The following LYRM9 variants were observed in gnomAD, a reference collection of about 807,000 sequenced individuals.
LYRM9 encodes the protein LYR motif containing 9.
A neutral mutation model predicts 12.6 loss-of-function variants in LYRM9; 14 were observed. The observed-to-expected ratio is 1.11, with a 90% CI of 0.73 to 1.73. The LOEUF is 1.73. Ranked by LOEUF, LYRM9 falls within the 40% of genes most tolerant of loss-of-function variation. The probability of loss-of-function intolerance (pLI) is 0.00; values close to 1 mark genes in which losing one functional copy is unlikely to be tolerated. For missense variants in LYRM9, 94 were observed against 95.0 expected (o/e 0.99, Z 0.04); for synonymous variants, 42 against 35.1 (o/e 1.20, Z -0.69).
chr17:27,882,724 G>A lies in LYRM9; in HGVS notation c.-18-12C>T. 1.3e-6 allele frequency: 2 copies of A among 1,574,676 alleles called. No homozygotes were observed. ...GAGACCCTCTGTCCCTGGAAAACAAGCAGGATCACTTCCAGGGCATCAAGC... is the reference window on the plus strand; with the variant it reads ...GAGACCCTCTGTCCCTGGAAAACAAACAGGATCACTTCCAGGGCATCAAGC... On this transcript the variant is annotated splice_polypyrimidine_tract_variant and intron_variant, in intron 1 of 3. Transcript: ENST00000379102.
At chr17:27,889,906 AG>A (rs1905372216) in intron 1 of LYRM9, among the ~76,000 whole-genome samples, 1 of 152,158 alleles carries the variant, frequency 6.6e-6, no homozygotes, top group Non-Finnish European at 1.5e-5. Context: ...TCTCTGACCC[AG>A]AGCCTTCTGC....
intron 2 of LYRM9, chr17:27,880,608 G>T (rs1905018694): frequency 3.6e-6 from 2 of 551,770 alleles, no homozygotes. Flanking sequence ...TGCCACCAAG[G>T]TAGGTGCAAA....
intron 1 of LYRM9, chr17:27,892,279 A>C: frequency 2.6e-6 from 1 of 385,604 alleles, no homozygotes; most frequent in Non-Finnish European, 5.0e-6. Flanking sequence ...TTCCTTGCTG[A>C]CTGTAAGCTT....
At chr17:27,885,965 T>C (rs1905219261) in intron 1 of LYRM9, among the ~76,000 whole-genome samples, 1 of 151,944 alleles carries the variant, frequency 6.6e-6, no homozygotes, top group African/African-American at 2.4e-5. Flanking sequence ...CCTCCTGCTA[T>C]CAATCATGAC....
chr17:27,886,274 A>C lies in LYRM9; in HGVS notation c.-18-3562T>G, dbSNP rs1905228907. ...AACCAACCCAGCAAGTATGGGCGGC[A>C]GATTATTTTCAGCTCAATTATAATA... is the stretch of plus-strand genomic sequence containing the variant. On this transcript the variant is annotated intron_variant, in intron 1 of 3. Transcript: ENST00000379102. This position sits in a 1 kb window ranked among gnomAD's most constrained non-coding sequence, Gnocchi z 4.8. Among the ~76,000 whole-genome samples the C allele has an allele frequency of 6.6e-6, 1 of 152,246 alleles. No homozygotes were observed. Among genetic ancestry groups the C allele is most frequent in the African/African-American group, 2.4e-5 (1 of 41,466 alleles).
In LYRM9 at chr17:27,882,697, G is replaced by C. The variant is rs201215927; in HGVS notation, c.-3C>G. 1.3e-6 allele frequency: 2 copies of C among 1,598,042 alleles called. No homozygotes were observed. Among genetic ancestry groups the C allele is most frequent in the South Asian group, 1.1e-5 (1 of 88,018 alleles). ...TCTGCTCCTGGCAGCGGGGCCATCC[G>C]TGAGACCCTCTGTCCCTGGAAAACA... On this transcript the variant is annotated 5_prime_UTR_variant, in exon 2 of 4. Coordinates refer to ENST00000379102, the MANE Select transcript of LYRM9 (RefSeq NM_001076680.3).
chr17:27,892,655 T>C (rs1287970654), intron 1 of LYRM9: 1 of 316,222 alleles, frequency 3.2e-6, no homozygotes, highest in Non-Finnish European at 6.2e-6. Flanking sequence ...TGGGAGTAGA[T>C]GGGAGGGGGG....
intron 1 of LYRM9, among the ~76,000 whole-genome samples, chr17:27,888,185 G>A (rs56086968): frequency 0.068 from 10,345 of 152,192 alleles, 623 homozygotes; most frequent in East Asian, 0.21. Context: ...TCTGCCTACA[G>A]TGCTCCTCTC....
At chr17:27,883,755 A>T (rs1905143214) in intron 1 of LYRM9, among the ~76,000 whole-genome samples, 1 of 146,512 alleles carries the variant, frequency 6.8e-6, no homozygotes, top group South Asian at 2.2e-4. Flanking sequence ...GAGAGGTCTG[A>T]TAACTTGCCC....
intron 1 of LYRM9, among the ~76,000 whole-genome samples, chr17:27,891,233 C>A (rs1255055471): frequency 6.6e-6 from 1 of 152,182 alleles, no homozygotes; most frequent in Non-Finnish European, 1.5e-5. Flanking sequence ...TGCTGTCCTT[C>A]CCACACTTCC....
intron 1 of LYRM9, among the ~76,000 whole-genome samples, chr17:27,890,096 T>C (rs1320795410): frequency 6.6e-6 from 1 of 152,228 alleles, no homozygotes; most frequent in African/African-American, 2.4e-5. Context: ...ACAAGGCTAG[T>C]ATAGAGCAAG....
chr17:27,887,990 C>T (rs528829652), intron 1 of LYRM9, among the ~76,000 whole-genome samples: 1 of 152,186 alleles, frequency 6.6e-6, no homozygotes, highest in Non-Finnish European at 1.5e-5. Context: ...AAAGGCTCAC[C>T]CATATTATAG....
intron 1 of LYRM9, chr17:27,892,662 G>A (rs185250609): frequency 3.2e-6 from 1 of 312,384 alleles, no homozygotes; most frequent in African/African-American, 2.2e-5. Flanking sequence ...AGATGGGAGG[G>A]GGGAGTGACA....
At position 27,879,347 on chromosome 17, in the gene LYRM9, T is replaced by C. The variant is rs1904956428; in HGVS notation, c.*126A>G. 9.4e-7 allele frequency: 1 copy of C among 1,064,114 alleles called. No homozygotes were observed. Among genetic ancestry groups the C allele is most frequent in the East Asian group, 2.9e-5 (1 of 34,460 alleles). 65.9% of individuals were successfully genotyped at this position (1,064,114 alleles called of 1,614,324 possible). A position where few individuals can be genotyped will look rare whatever the true frequency, so the allele number is the denominator to read the frequency against. On this transcript the variant is annotated 3_prime_UTR_variant, in exon 4 of 4. Transcript: ENST00000379102. Reference sequence around the variant, plus strand: ...GAGGAGCCTCTGGAGCAAGGTCAGCTTCTCCCCTGATTTCTGGCTTTCAGC... The same window carrying C: ...GAGGAGCCTCTGGAGCAAGGTCAGCCTCTCCCCTGATTTCTGGCTTTCAGC...
Position 27,882,630 on chromosome 17 carries a change from C to A in LYRM9, c.65G>T (p.Arg22Leu). ...CTTGGTCGGCAGCTGCTGGCAACAG[C>A]GCAGCAAGTATCGGTAGAGCTGCAG... ...RPLQLYRYLL[R>L]CCQQLPTKGI... is the part of the protein sequence containing the mutation. Residue 22 changes from arginine to leucine, a missense_variant, in exon 2 of 4, where the codon CGC becomes CTC. Physicochemically the swap from Arg to Leu is moderately radical, Grantham distance 102. Coordinates refer to ENST00000379102, the MANE Select transcript of LYRM9 (RefSeq NM_001076680.3). 1.9e-6 allele frequency: 3 copies of A among 1,600,814 alleles called. No homozygotes were observed. The highest frequency in any genetic ancestry group is 2.6e-6 in the Non-Finnish European group (3 of 1,174,418).
chr17:27,882,059 A>G (rs528705927), intron 2 of LYRM9, among the ~76,000 whole-genome samples: 3 of 152,292 alleles, frequency 2.0e-5, no homozygotes, highest in South Asian at 2.1e-4. Context: ...CTGGTTCCCA[A>G]TAATATTCTT....
chr17:27,893,146 A>T (rs1905515732), intron 1 of LYRM9, 171 bp downstream of exon 1: 1 of 152,220 alleles, frequency 6.6e-6, no homozygotes, highest in Non-Finnish European at 1.5e-5. Context: ...CCGGTGGAAG[A>T]GCGCAGACCG....
intron 3 of LYRM9, 113 bp from the exon 4 acceptor site, chr17:27,879,603 C>T (rs567778868): frequency 2.5e-6 from 3 of 1,217,334 alleles, no homozygotes. Flanking sequence ...GCAGGGGCTT[C>T]TTGGAGGTGG....
chr17:27,881,401 T>C (rs1905052654), intron 2 of LYRM9, among the ~76,000 whole-genome samples: 1 of 151,334 alleles, frequency 6.6e-6, no homozygotes, highest in African/African-American at 2.4e-5. Context: ...TCGTTCTCCA[T>C]GTTTCCACAG....
Sources: gnomAD v4.1 joint callset for allele counts (sites outside exome capture counted in the v4.1 genomes callset) on GRCh38, gnomAD v4.1.1 for gene constraint, Gnocchi (gnomAD v3.1) non-coding constraint, MANE v1.5 for transcripts, NCBI Gene and HGNC (gene_info 2026-07-23, HGNC 2026-07-21) for gene names.